Variants in DNAJC6 observed in about 807,000 individuals in gnomAD.
The protein encoded by DNAJC6 is auxilin.
In DNAJC6, 34 loss-of-function variants were observed where a neutral mutation model predicts 110.0. The ratio of observed to expected loss-of-function variants is 0.31; its 90% confidence interval spans 0.24 to 0.41. DNAJC6 has a LOEUF of 0.41. Ranked by LOEUF, DNAJC6 falls within the 10% of genes least tolerant of loss-of-function variation. The pLI, the probability that DNAJC6 is intolerant of heterozygous loss-of-function variation, is 1.00. For missense variants in DNAJC6, 1,031 were observed against 1,207.8 expected (o/e 0.85, Z 2.17); for synonymous variants, 406 against 437.2 (o/e 0.93, Z 0.89).
chr1:65,383,031 G>T (rs1238688184), intron 5 of DNAJC6, among the ~76,000 whole-genome samples: 1 of 152,186 alleles, frequency 6.6e-6, no homozygotes, highest in Non-Finnish European at 1.5e-5. Flanking sequence ...TCTCACAAAA[G>T]GATGAGGGTC....
chr1:65,317,239 G>A (rs1266653072), intron 1 of DNAJC6, among the ~76,000 whole-genome samples: 10 of 152,144 alleles, frequency 6.6e-5, no homozygotes, highest in African/African-American at 2.2e-4. Flanking sequence ...TCCTTGTTGC[G>A]AAAGGTGTAA....
At chr1:65,394,562 A>G (rs1645959511) in intron 12 of DNAJC6, among the ~76,000 whole-genome samples, 1 of 152,232 alleles carries the variant, frequency 6.6e-6, no homozygotes, top group Non-Finnish European at 1.5e-5. Context: ...ACATAAATTG[A>G]TATTTTAAAT....
At chr1:65,318,737 A>C (rs1645170221) in intron 1 of DNAJC6, among the ~76,000 whole-genome samples, 1 of 152,162 alleles carries the variant, frequency 6.6e-6, no homozygotes, top group Non-Finnish European at 1.5e-5. Context: ...AGCATCAGGA[A>C]GAATAGCTAA....
chr1:65,414,494 ATT>A lies in DNAJC6; in HGVS notation c.*1474_*1475del, dbSNP rs1031413132. 6.6e-6 allele frequency: 1 copy of A among 152,664 alleles called. No individual in the cohort carries two copies. Among genetic ancestry groups the A allele is most frequent in the Non-Finnish European group, 1.5e-5 (1 of 68,040 alleles). 9.5% of individuals were successfully genotyped at this position (152,664 alleles called of 1,614,324 possible). On this transcript the variant is annotated 3_prime_UTR_variant, in exon 19 of 19. Coordinates refer to ENST00000371069, the MANE Select transcript of DNAJC6 (RefSeq NM_001256864.2). ...TAAAAGTTGTTTTGAAAAGACAATC[ATT>A]TTTTGTTTTTGTTTTAACTTTCTTG... is the stretch of plus-strand genomic sequence containing the variant.
intron 1 of DNAJC6, among the ~76,000 whole-genome samples, chr1:65,321,967 G>A (rs1371771036): frequency 6.6e-6 from 1 of 152,160 alleles, no homozygotes; most frequent in Non-Finnish European, 1.5e-5. Flanking sequence ...GGATTTTACT[G>A]TAATTATTGG....
chr1:65,386,323 G>A (rs1645871742), intron 7 of DNAJC6, among the ~76,000 whole-genome samples: 2 of 152,182 alleles, frequency 1.3e-5, no homozygotes, highest in Admixed American at 1.3e-4. Context: ...GTGCCAGTGG[G>A]TGGTCATAGG....
At chr1:65,346,087 T>C (rs115291616) in intron 1 of DNAJC6, among the ~76,000 whole-genome samples, 6,075 of 152,274 alleles carry the variant, frequency 0.04, 160 homozygotes, top group Non-Finnish European at 0.061. Flanking sequence ...TCAGACTGTA[T>C]CTGCCTCCCT....
In DNAJC6 at chr1:65,304,399, C is replaced by T. The variant is rs182079452; in HGVS notation, c.-131+39467C>T. On this transcript the variant is annotated intron_variant, in intron 1 of 19. Transcript: ENST00000263441. ...CTATCTTGTGTGTTGCTTTATATGT[C>T]GCTCTTGACAGCTGCTACTATTTAT... Among the ~76,000 whole-genome samples the T allele has an allele frequency of 5.3e-4, 80 of 152,274 alleles. 1 individual carries two copies. In the South Asian group the frequency reaches 0.012, roughly 23 times the overall value.
At chr1:65,406,417 T>G (rs1482586229) in intron 16 of DNAJC6, among the ~76,000 whole-genome samples, 1 of 152,218 alleles carries the variant, frequency 6.6e-6, no homozygotes, top group Non-Finnish European at 1.5e-5. Context: ...AGGGACTGTG[T>G]CTTAGTTGCC....
intron 1 of DNAJC6, among the ~76,000 whole-genome samples, chr1:65,302,523 CTTTTTTTTTTTTT>C (rs1169755787): frequency 3.5e-5 from 3 of 85,336 alleles, no homozygotes; most frequent in African/African-American, 5.2e-5. Context: ...CTCTTCCTTT[CTTTTTTTTTTTTT>C]TTTTTTTTTT....
chr1:65,330,146 T>A (rs1385512438), intron 1 of DNAJC6, among the ~76,000 whole-genome samples: 1 of 152,192 alleles, frequency 6.6e-6, no homozygotes, highest in East Asian at 1.9e-4. Context: ...TGAGATGGGT[T>A]TTCTTTACTT....
intron 1 of DNAJC6, among the ~76,000 whole-genome samples, chr1:65,344,827 G>T (rs1485309571): frequency 1.3e-5 from 2 of 152,062 alleles, no homozygotes; most frequent in Non-Finnish European, 2.9e-5. Context: ...ACCTTTGCTT[G>T]GTAAGCCTAC....
At chr1:65,400,325 T>A (rs1293157177) in intron 14 of DNAJC6, among the ~76,000 whole-genome samples, 2 of 152,224 alleles carry the variant, frequency 1.3e-5, no homozygotes, top group Non-Finnish European at 2.9e-5. Flanking sequence ...ATCATTTTTG[T>A]GGTGAGAACA....
At chr1:65,389,206 C>T (rs1227662464) in intron 9 of DNAJC6, 50 bp from the exon 10 acceptor site, 1 of 1,530,814 alleles carries the variant, frequency 6.5e-7, no homozygotes, top group Admixed American at 1.8e-5. Flanking sequence ...AAACATCATA[C>T]CAGTTCCATT....
At chr1:65,307,868 A>G (rs936193367), upstream of DNAJC6, among the ~76,000 whole-genome samples, 3 of 152,208 alleles carry the variant, frequency 2.0e-5, no homozygotes, top group African/African-American at 7.2e-5. Context: ...TGATCTTGTT[A>G]TAAATGAGCA....
chr1:65,374,199 T>G (rs1459458631), intron 4 of DNAJC6, among the ~76,000 whole-genome samples: 1 of 152,192 alleles, frequency 6.6e-6, no homozygotes, highest in Non-Finnish European at 1.5e-5. Context: ...TAAAAAACTT[T>G]GAAGTCAGAT....
At chr1:65,350,024 CAA>C (rs1645476623) in intron 1 of DNAJC6, among the ~76,000 whole-genome samples, 1 of 152,176 alleles carries the variant, frequency 6.6e-6, no homozygotes, top group Admixed American at 6.6e-5. Context: ...AAGAATTATC[CAA>C]TTTACAATTC....
At chr1:65,310,051 C>T in intron 1 of DNAJC6, 113 bp downstream of exon 1, 2 of 1,270,446 alleles carry the variant, frequency 1.6e-6, no homozygotes, top group Non-Finnish European at 2.1e-6. Flanking sequence ...GCGAGAGAGC[C>T]GGGCTGGAGG....
At chr1:65,377,557 A>G (rs1208460569) in intron 4 of DNAJC6, among the ~76,000 whole-genome samples, 2 of 152,178 alleles carry the variant, frequency 1.3e-5, no homozygotes, top group Admixed American at 6.5e-5. Context: ...AATAAACCAT[A>G]CTTGTCTCTC....
Sources: allele counts gnomAD v4.1 joint callset (sites outside exome capture counted in the v4.1 genomes callset), GRCh38; gene constraint gnomAD v4.1.1; transcripts MANE v1.5; gene names NCBI Gene and HGNC (gene_info 2026-07-23, HGNC 2026-07-21).